Variants in ERAP2 observed in about 807,000 individuals in gnomAD.
ERAP2 encodes endoplasmic reticulum aminopeptidase 2.
In ERAP2, 118 loss-of-function variants were observed where a neutral mutation model predicts 111.1. The observed-to-expected ratio is 1.06, with a 90% confidence interval of 0.92 to 1.24. The LOEUF is 1.24. ERAP2 is among the 50% of genes most tolerant of loss of function. ERAP2 has a pLI of 0.00. For synonymous variants in ERAP2, 410 were observed against 401.2 expected (o/e 1.02, Z -0.26); for missense variants, 1,131 against 1,125.8 (o/e 1.00, Z -0.07).
chr5:96,880,496 G>A (rs957453970), intron 2 of ERAP2, among the ~76,000 whole-genome samples: 2 of 152,228 alleles, frequency 1.3e-5, no homozygotes, highest in Admixed American at 6.5e-5. Flanking sequence ...GCCAGTATAT[G>A]ACTGATATGA....
intron 2 of ERAP2, 122 bp downstream of exon 2, chr5:96,880,382 A>G: frequency 1.1e-6 from 1 of 886,116 alleles, no homozygotes; most frequent in East Asian, 2.6e-5. Context: ...TGGGGAACCC[A>G]GAAGAAGGAA....
At chr5:96,885,416 A>G (rs1783621175) in intron 3 of ERAP2, among the ~76,000 whole-genome samples, 1 of 152,244 alleles carries the variant, frequency 6.6e-6, no homozygotes, top group South Asian at 2.1e-4. Flanking sequence ...CTTAAAAATT[A>G]CAGCCCTGTA....
rs746468188 is a variant in ERAP2, at chr5:96,889,193, C to A, written c.858C>A (p.Ile286=). Reference sequence around the variant, plus strand: ...TGATCCACATTTCCCAGGTGTCCATCTATGCATCCCCAGACAAACGGAATC... The same window carrying A: ...TGATCCACATTTCCCAGGTGTCCATATATGCATCCCCAGACAAACGGAATC... ...GFTSSGVKVS[I]YASPDKRNQT... is the part of the protein sequence containing the mutation. Residue 286 remains isoleucine (I), a synonymous_variant, in exon 5 of 19, where the codon ATC becomes ATA. Transcript: ENST00000437043. 9 of 1,614,148 alleles carry A rather than the reference C, an allele frequency of 5.6e-6. No homozygotes were observed. The highest frequency in any genetic ancestry group is 7.6e-6 in the Non-Finnish European group (9 of 1,179,990).
intron 18 of ERAP2, 81 bp from the exon 19 acceptor site, chr5:96,917,381 G>A (rs1040114199): frequency 1.9e-5 from 27 of 1,403,586 alleles, no homozygotes; most frequent in Admixed American, 6.2e-5. Context: ...TTGGCCTCCC[G>A]AAGTGCTGGG....
At chr5:96,889,378 T>C (rs1784094875) in intron 5 of ERAP2, 73 bp downstream of exon 5, 1 of 1,523,090 alleles carries the variant, frequency 6.6e-7, no homozygotes. Flanking sequence ...CCTCTTTCTC[T>C]TTCTATGTGA....
chr5:96,916,261 A>C lies in ERAP2; in HGVS notation c.2739+492A>C, dbSNP rs539079804. On this transcript the variant is annotated intron_variant, in intron 18 of 18. Coordinates refer to ENST00000437043, the MANE Select transcript of ERAP2 (RefSeq NM_022350.5). ...AAAAACAAAAACAAAAAACAACAGCAAAAAAAAGCCCCTGACTCTTAAAAT... is the reference window on the plus strand; with the variant it reads ...AAAAACAAAAACAAAAAACAACAGCCAAAAAAAGCCCCTGACTCTTAAAAT... 5.6e-4 allele frequency among the ~76,000 whole-genome samples: 84 copies of C among 151,244 alleles called. No individual in the cohort carries two copies. In the South Asian group the frequency reaches 0.017, roughly 30 times the overall value.
At chr5:96,917,052 C>T (rs1391216202) in intron 18 of ERAP2, among the ~76,000 whole-genome samples, 3 of 152,118 alleles carry the variant, frequency 2.0e-5, no homozygotes, top group African/African-American at 4.8e-5. Flanking sequence ...AATGCCTATA[C>T]CTGTGTGTAT....
At chr5:96,893,071 G>A (rs1784538965) in intron 6 of ERAP2, among the ~76,000 whole-genome samples, 1 of 152,144 alleles carries the variant, frequency 6.6e-6, no homozygotes. Context: ...AGTTATTAAT[G>A]ATGATGACAA....
At chr5:96,887,152 A>G (rs1416992247) in intron 4 of ERAP2, among the ~76,000 whole-genome samples, 2 of 150,414 alleles carry the variant, frequency 1.3e-5, no homozygotes, top group African/African-American at 4.9e-5. Flanking sequence ...TTGCAAAATA[A>G]TATATTGACT....
Position 96,919,236 on chromosome 5 carries a change from T to G in ERAP2, c.*1631T>G, listed in dbSNP as rs1270669676. ...CCACAGTCAGAGATAGAATACAGTT[T>G]GGGTGGCCATGGATGTGCCCCAATA... is the stretch of plus-strand genomic sequence containing the variant. On this transcript the variant is annotated 3_prime_UTR_variant, in exon 19 of 19. Transcript: ENST00000437043. The G allele has an allele frequency of 1.3e-5, 2 of 152,346 alleles. No homozygotes were observed. The highest frequency in any genetic ancestry group is 2.9e-5 in the Non-Finnish European group (2 of 68,034). The allele number at this position is 152,346 out of a possible 1,614,324, so 9.4% of individuals were successfully genotyped here.
intron 2 of ERAP2, chr5:96,881,490 G>A: frequency 2.2e-6 from 1 of 456,138 alleles, no homozygotes; most frequent in Non-Finnish European, 4.4e-6. Context: ...GGTAAGAGGA[G>A]TCTGGCTCAG....
intron 18 of ERAP2, 110 bp downstream of exon 18, chr5:96,915,879 A>T: frequency 3.0e-6 from 3 of 986,314 alleles, no homozygotes; most frequent in Non-Finnish European, 4.4e-6. Context: ...TTTTTAAAAA[A>T]GTTGTTTGTC....
chr5:96,913,418 G>T lies in ERAP2; in HGVS notation c.2618G>T (p.Trp873Leu), dbSNP rs768555434. 2.5e-6 allele frequency: 4 copies of T among 1,614,124 alleles called. No individual in the cohort carries two copies. The highest frequency in any genetic ancestry group is 2.2e-5 in the South Asian group (2 of 91,070). ...CGTCCAAAGGGGCAGCAACTAGCATGGGATTTTGTAAGAGAAAATTGGACC... is the reference window on the plus strand; with the variant it reads ...CGTCCAAAGGGGCAGCAACTAGCATTGGATTTTGTAAGAGAAAATTGGACC... Reference protein sequence around the residue: ...ARRPKGQQLAWDFVRENWTHL... With the variant: ...ARRPKGQQLALDFVRENWTHL... Residue 873 changes from tryptophan (W) to leucine (L), a missense_variant, in exon 17 of 19, where the codon TGG becomes TTG. Transcript: ENST00000437043.
Position 96,889,293 on chromosome 5 carries a change from C to G in ERAP2, c.958C>G (p.Leu320Val), listed in dbSNP as rs1188895355. Residue 320 changes from leucine to valine, a missense_variant, in exon 5 of 19, where the codon CTC becomes GTC. Transcript: ENST00000437043. ...AAAGTACTTTGATATCTACTATCCA[C>G]TCTCCAAACTGGGTATGTTCAAATT... is the stretch of plus-strand genomic sequence containing the variant. ...YEKYFDIYYP[L>V]SKLDLIAIPD... 11 of 1,613,928 alleles carry G rather than the reference C, an allele frequency of 6.8e-6. No individual in the cohort carries two copies. Among genetic ancestry groups the G allele is most frequent in the Non-Finnish European group, 2.5e-6 (3 of 1,179,926 alleles).
intron 12 of ERAP2, 123 bp downstream of exon 12, chr5:96,902,476 C>A: frequency 3.2e-6 from 2 of 628,902 alleles, no homozygotes; most frequent in East Asian, 2.8e-5. Flanking sequence ...GGGAAGTTGT[C>A]ATTTATCCAT....
intron 5 of ERAP2, 77 bp from the exon 6 acceptor site, chr5:96,892,222 T>A: frequency 1.4e-6 from 2 of 1,417,544 alleles, no homozygotes; most frequent in Non-Finnish European, 2.0e-6. Flanking sequence ...AGGATCATAG[T>A]GTATTTGAGC....
At position 96,912,731 on chromosome 5, in the gene ERAP2, T is replaced by A. The variant is rs922143431; in HGVS notation, c.2449T>A (p.Ser817Thr). 6.2e-7 allele frequency: 1 copy of A among 1,603,318 alleles called. No homozygotes were observed. The highest frequency in any genetic ancestry group is 1.3e-5 in the African/African-American group (1 of 74,086). Residue 817 changes from serine to threonine, a missense_variant, in exon 16 of 19, where the codon TCA (serine) becomes ACA (threonine). Coordinates refer to ENST00000437043, the MANE Select transcript of ERAP2 (RefSeq NM_022350.5). ...YLLEQYELSM[S>T]SAEQNKILYA... ...TTTAGAGCAATATGAACTGTCAATG[T>A]CAAGTGCTGAACAAAACAAAATTCT...
In ERAP2 at chr5:96,883,913, C is replaced by G; in HGVS notation, c.697C>G (p.Leu233Val). Reference protein sequence around the residue: ...KIRRESRHIALSNMPKVKTIE... With the variant: ...KIRRESRHIAVSNMPKVKTIE... ...ACGAAGAGAGAGCAGGCATATTGCACTATCCAACATGCCAAAGGTATGTCC... is the reference window on the plus strand; with the variant it reads ...ACGAAGAGAGAGCAGGCATATTGCAGTATCCAACATGCCAAAGGTATGTCC... The change falls in exon 3 of 19, where the codon CTA becomes GTA. Residue 233 changes from leucine (L) to valine (V), a missense_variant. By Grantham distance (32) the Leu-to-Val change is conservative (BLOSUM62 1). Transcript: ENST00000437043. 1 of 1,610,592 alleles carries G rather than the reference C, an allele frequency of 6.2e-7. No individual in the cohort carries two copies. Among genetic ancestry groups the G allele is most frequent in the Non-Finnish European group, 8.5e-7 (1 of 1,178,778 alleles).
At position 96,896,753 on chromosome 5, in the gene ERAP2, C is replaced by G. The variant is rs761559979; in HGVS notation, c.1393C>G (p.Leu465Val). The change falls in exon 9 of 19, where the codon CTC becomes GTC. Residue 465 changes from leucine to valine, a missense_variant. Leu to Val is a conservative substitution (Grantham distance 32). This residue lies in a region of ERAP2 where 847 missense variants were observed against 856.5 expected (regional missense o/e 0.99). Coordinates refer to ENST00000437043, the MANE Select transcript of ERAP2 (RefSeq NM_022350.5). ...AAAGGGAGCTTGTATTTTGAATATG[C>G]TCAAGGATTTTCTGGGTGAGGAGAA... ...YNKGACILNM[L>V]KDFLGEEKFQ... The G allele has an allele frequency of 4.5e-6, 7 of 1,571,390 alleles. No individual in the cohort carries two copies. Among genetic ancestry groups the G allele is most frequent in the Non-Finnish European group, 6.0e-6 (7 of 1,164,830 alleles).
Sources: gnomAD v4.1 joint callset for allele counts (sites outside exome capture counted in the v4.1 genomes callset) on GRCh38, gnomAD v4.1.1 for gene constraint, gnomAD v4.1.1 regional missense constraint, MANE v1.5 for transcripts, NCBI Gene and HGNC (gene_info 2026-07-23, HGNC 2026-07-21) for gene names.